The following TENM2 variants were observed in gnomAD, a reference collection of about 807,000 sequenced individuals.
TENM2 encodes the protein teneurin-2.
TENM2 carries 52 observed loss-of-function variants against 245.2 expected under a neutral mutation model. The observed-to-expected ratio is 0.21, with a 90% CI of 0.17 to 0.27. The LOEUF (loss-of-function observed/expected upper bound fraction) is 0.27. TENM2 is among the 10% of genes least tolerant of loss of function. The pLI, the probability that TENM2 is intolerant of heterozygous loss-of-function variation, is 1.00. For synonymous variants in TENM2, 1,363 were observed against 1,438.9 expected (o/e 0.95, Z 1.19); for missense variants, 3,046 against 3,666.8 (o/e 0.83, Z 4.37).
chr5:167,355,777 A>T (rs974234652), intron 1 of TENM2, among the ~76,000 whole-genome samples: 1 of 152,124 alleles, frequency 6.6e-6, no homozygotes, highest in East Asian at 1.9e-4. Context: ...GTCAGATTGG[A>T]TTTAATTGCC....
intron 2 of TENM2, among the ~76,000 whole-genome samples, chr5:167,623,031 A>G (rs1041282094): frequency 6.6e-6 from 1 of 152,184 alleles, no homozygotes; most frequent in Admixed American, 6.5e-5. Flanking sequence ...TCTTTAAAAC[A>G]TCTCTTAAAA....
At chr5:167,802,421 C>T (rs745931980) in intron 2 of TENM2, among the ~76,000 whole-genome samples, 1 of 152,172 alleles carries the variant, frequency 6.6e-6, no homozygotes, top group East Asian at 1.9e-4. Flanking sequence ...TTACCAGTTA[C>T]TAGAAGTGTT....
At chr5:167,913,956 G>A (rs543417427) in intron 3 of TENM2, among the ~76,000 whole-genome samples, 1 of 152,328 alleles carries the variant, frequency 6.6e-6, no homozygotes, top group African/African-American at 2.4e-5. Context: ...GCTAAGAATG[G>A]TGCCTGCGTC....
intron 2 of TENM2, among the ~76,000 whole-genome samples, chr5:167,664,004 C>T (rs923429594): frequency 6.6e-6 from 1 of 152,146 alleles, no homozygotes; most frequent in Non-Finnish European, 1.5e-5. Flanking sequence ...GTTGTTTCTG[C>T]TCAATACTGC....
intron 2 of TENM2, among the ~76,000 whole-genome samples, chr5:167,833,949 A>G (rs1396876807): frequency 6.6e-6 from 1 of 152,210 alleles, no homozygotes; most frequent in African/African-American, 2.4e-5. Context: ...AGGAAAATAG[A>G]TGCCTCATTT....
At chr5:167,205,086 G>A in the TENM2 span, among the ~76,000 whole-genome samples, 32,553 of 152,092 alleles carry the variant, frequency 0.21, 4,283 homozygotes, top group African/African-American at 0.37. Context: ...TCTTTCCATT[G>A]AATATGTTTC....
intron 2 of TENM2, among the ~76,000 whole-genome samples, chr5:167,798,431 C>T (rs759224622): frequency 1.1e-4 from 16 of 152,152 alleles, no homozygotes; most frequent in Non-Finnish European, 1.6e-4. Flanking sequence ...AGGAAGAAGA[C>T]GAGAACCTCC....
chr5:167,577,649 C>T (rs549907937), intron 2 of TENM2, among the ~76,000 whole-genome samples: 9 of 152,006 alleles, frequency 5.9e-5, no homozygotes, highest in Non-Finnish European at 1.3e-4. Context: ...ATAAGGAAAG[C>T]TACACAACTT....
At chr5:168,011,376 C>T (rs1399693592) in intron 5 of TENM2, among the ~76,000 whole-genome samples, 1 of 152,038 alleles carries the variant, frequency 6.6e-6, no homozygotes, top group Non-Finnish European at 1.5e-5. Context: ...TTGTTTGTCA[C>T]GACTGGGAGA....
intron 1 of TENM2, among the ~76,000 whole-genome samples, chr5:167,374,070 A>G (rs1447342342): frequency 6.6e-6 from 1 of 152,196 alleles, no homozygotes; most frequent in Non-Finnish European, 1.5e-5. Flanking sequence ...TTTAGAAACC[A>G]AAGGACTAGC....
At chr5:167,835,552 A>G (rs1210661444) in intron 2 of TENM2, among the ~76,000 whole-genome samples, 1 of 152,112 alleles carries the variant, frequency 6.6e-6, no homozygotes, top group Non-Finnish European at 1.5e-5. Context: ...CTTCCTGGAG[A>G]ACCAGAAATA....
chr5:167,205,914 G>A, the TENM2 span, among the ~76,000 whole-genome samples: 3 of 152,088 alleles, frequency 2.0e-5, no homozygotes, highest in East Asian at 1.9e-4. Flanking sequence ...AATTCTTCTC[G>A]TTCTTGCAAT....
upstream of TENM2, among the ~76,000 whole-genome samples, chr5:167,282,911 G>A (rs1234361153): frequency 6.6e-6 from 1 of 152,166 alleles, no homozygotes; most frequent in Non-Finnish European, 1.5e-5. Flanking sequence ...CTGGGGTCAT[G>A]ACTCTCAAAG....
the TENM2 span, among the ~76,000 whole-genome samples, chr5:167,191,591 C>A: frequency 6.6e-6 from 1 of 151,882 alleles, no homozygotes; most frequent in Non-Finnish European, 1.5e-5. Context: ...CATATTAGAA[C>A]AGGGAAAAGT....
intron 3 of TENM2, among the ~76,000 whole-genome samples, chr5:167,916,201 G>C (rs1259751086): frequency 1.3e-5 from 2 of 152,160 alleles, no homozygotes; most frequent in Non-Finnish European, 2.9e-5. Context: ...CTATTTTTGT[G>C]AGTACGTGGC....
intron 10 of TENM2, among the ~76,000 whole-genome samples, chr5:168,122,808 CG>C (rs1239827511): frequency 7.9e-5 from 12 of 152,074 alleles, no homozygotes; most frequent in African/African-American, 2.7e-4. Context: ...CAAATGGGAT[CG>C]TGAGAAATAT....
chr5:167,186,577 G>A, the TENM2 span, among the ~76,000 whole-genome samples: 1 of 152,130 alleles, frequency 6.6e-6, no homozygotes, highest in East Asian at 1.9e-4. Context: ...ACCAAATTTG[G>A]AAACAACCCT....
At chr5:168,234,079 C>A (rs998970178) in intron 25 of TENM2, among the ~76,000 whole-genome samples, 1 of 152,034 alleles carries the variant, frequency 6.6e-6, no homozygotes, top group African/African-American at 2.4e-5. Flanking sequence ...CCTTCCATCC[C>A]ATGGCAGGGT....
intron 6 of TENM2, among the ~76,000 whole-genome samples, chr5:168,059,718 G>C (rs12517736): frequency 0.11 from 16,513 of 152,062 alleles, 1,215 homozygotes; most frequent in Admixed American, 0.24. Flanking sequence ...ATAGTAATGA[G>C]AGCTCCTGAT....
Sources: allele counts gnomAD v4.1 joint callset (sites outside exome capture counted in the v4.1 genomes callset), GRCh38; gene constraint gnomAD v4.1.1; transcripts MANE v1.5; gene names NCBI Gene and HGNC (gene_info 2026-07-23, HGNC 2026-07-21).